The following SDC3 variants were observed in gnomAD, a reference collection of about 807,000 sequenced individuals.
SDC3 encodes syndecan 3, also known as syndecan-3.
A neutral mutation model predicts 24.4 loss-of-function variants in SDC3; 13 were observed. The ratio of observed to expected loss-of-function variants is 0.53; its 90% CI spans 0.35 to 0.85. The LOEUF (loss-of-function observed/expected upper bound fraction) is 0.85, where lower values mean the gene tolerates loss of function less well. SDC3 is among the 40% of genes least tolerant of loss of function. The pLI, the probability that SDC3 is intolerant of heterozygous loss-of-function variation, is 0.01. For synonymous variants in SDC3, 295 were observed against 260.9 expected (o/e 1.13, Z -1.26); for missense variants, 571 against 584.5 (o/e 0.98, Z 0.24).
rs372410735 is a variant in SDC3 at position 30,904,175 on chromosome 1, G to A, written c.138+4274C>T. Among the ~76,000 whole-genome samples, 3 of 152,182 alleles carry A rather than the reference G, an allele frequency of 2.0e-5. No homozygotes were observed. In the East Asian group the frequency reaches 5.8e-4, roughly 29 times the overall value. On this transcript the variant is annotated intron_variant, in intron 1 of 4. Transcript: ENST00000339394. ...AGGAGGCAGAGGTTGCAGTGAGCCA[G>A]GATCATACCACCACACTCCAGCCTT...
chr1:30,890,056 A>T (rs1004742262), intron 1 of SDC3, among the ~76,000 whole-genome samples: 3 of 152,224 alleles, frequency 2.0e-5, no homozygotes. Flanking sequence ...CACACCTGTA[A>T]TCCCAACACT....
Position 30,872,840 on chromosome 1 carries a change from A to G in SDC3, c.*371T>C. ...CTCTCTGCCCCAAAAAGGAGATCTCAGTGAGCACTGTGGGTGCCAAGTCAG... is the reference window on the plus strand; with the variant it reads ...CTCTCTGCCCCAAAAAGGAGATCTCGGTGAGCACTGTGGGTGCCAAGTCAG... On this transcript the variant is annotated 3_prime_UTR_variant, in exon 5 of 5. Transcript: ENST00000339394. 6.2e-5 allele frequency: 15 copies of G among 242,906 alleles called. No individual in the cohort carries two copies. Among genetic ancestry groups the G allele is most frequent in the South Asian group, 1.7e-4 (2 of 11,608 alleles). 15.0% of individuals were successfully genotyped at this position (242,906 alleles called of 1,614,324 possible).
chr1:30,884,281 C>CA lies in SDC3; in HGVS notation c.139-5542_139-5541insT, dbSNP rs1313567766. Among the ~76,000 whole-genome samples the CA allele has an allele frequency of 2.6e-5, 4 of 151,876 alleles. No individual in the cohort carries two copies. The East Asian group carries it at 7.8e-4, about 29-fold the overall frequency. ...CCAAGCTGAAACACCACAGACCCCC[C>CA]CCAAGAAAAATCCACCAAGCCCAGA... On this transcript the variant is annotated intron_variant, in intron 1 of 4. Coordinates refer to ENST00000339394, the MANE Select transcript of SDC3 (RefSeq NM_014654.4).
intron 1 of SDC3, among the ~76,000 whole-genome samples, chr1:30,906,057 A>C (rs575146190): frequency 4.3e-4 from 65 of 152,090 alleles, no homozygotes; most frequent in African/African-American, 1.5e-3. Flanking sequence ...GCCACCGCTC[A>C]TCTACCAAGG....
intron 1 of SDC3, among the ~76,000 whole-genome samples, 196 bp downstream of exon 1, chr1:30,908,253 C>T (rs1346013706): frequency 1.4e-5 from 2 of 143,864 alleles, no homozygotes; most frequent in African/African-American, 5.2e-5. Context: ...GGGGGAGATT[C>T]CGGAGGGGGG....
chr1:30,883,938 A>C (rs926267469), intron 1 of SDC3, among the ~76,000 whole-genome samples: 1 of 152,076 alleles, frequency 6.6e-6, no homozygotes, highest in Non-Finnish European at 1.5e-5. Flanking sequence ...TCCTGTGAGA[A>C]CTCAGTGCCC....
At chr1:30,909,710 C>T (rs1333591835), upstream of SDC3, among the ~76,000 whole-genome samples, 1 of 152,142 alleles carries the variant, frequency 6.6e-6, no homozygotes, top group Non-Finnish European at 1.5e-5. Flanking sequence ...GCACAGAGCT[C>T]GGCATGACAT....
chr1:30,882,940 T>G (rs562059469), intron 1 of SDC3, among the ~76,000 whole-genome samples: 5 of 152,212 alleles, frequency 3.3e-5, no homozygotes, highest in African/African-American at 1.2e-4. Context: ...AGCATTGCTG[T>G]GGGAAGGGGC....
chr1:30,905,970 C>T (rs1638512069), intron 1 of SDC3, among the ~76,000 whole-genome samples: 1 of 151,746 alleles, frequency 6.6e-6, no homozygotes, highest in African/African-American at 2.4e-5. Flanking sequence ...GACACACACA[C>T]ACACACACAC....
rs758070733 is a variant in SDC3, at chr1:30,878,611, G to A, written c.256+12C>T. 1.2e-6 allele frequency: 2 copies of A among 1,601,684 alleles called. No homozygotes were observed. The highest frequency in any genetic ancestry group is 1.7e-6 in the Non-Finnish European group (2 of 1,168,580). On this transcript the variant is annotated intron_variant, in intron 2 of 4. Coordinates refer to ENST00000339394, the MANE Select transcript of SDC3 (RefSeq NM_014654.4). Reference sequence around the variant, plus strand: ...ACTGCCCCCAGGCAGAGGTAGGGAGGGGGGTACTTACAGCCCGAGCCCGAC... The same window carrying A: ...ACTGCCCCCAGGCAGAGGTAGGGAGAGGGGTACTTACAGCCCGAGCCCGAC...
chr1:30,886,408 A>T (rs1363804397), intron 1 of SDC3, among the ~76,000 whole-genome samples: 1 of 152,040 alleles, frequency 6.6e-6, no homozygotes, highest in African/African-American at 2.4e-5. Flanking sequence ...CAAATTAGGA[A>T]GTCCTTTCTT....
chr1:30,896,324 C>T (rs933183673), intron 1 of SDC3, among the ~76,000 whole-genome samples: 9 of 152,164 alleles, frequency 5.9e-5, no homozygotes, highest in African/African-American at 1.9e-4. Context: ...GTGAGAGCTC[C>T]AAGGTGGTAA....
chr1:30,870,376 C>A lies in SDC3; in HGVS notation c.*2835G>T. The A allele has an allele frequency of 6.4e-6, 1 of 155,686 alleles. No homozygotes were observed. The highest frequency in any genetic ancestry group is 1.4e-5 in the Non-Finnish European group (1 of 70,436). 9.6% of individuals were successfully genotyped at this position (155,686 alleles called of 1,614,324 possible). A position where few individuals can be genotyped will look rare whatever the true frequency, so the allele number is the denominator to read the frequency against. On this transcript the variant is annotated 3_prime_UTR_variant, in exon 5 of 5. Transcript: ENST00000339394. ...CAAGGCCCCAGAGGCTCTCAAGCCA[C>A]AGAAGCTCCCTCTCATTTGGAACTC...
rs1639503082 is a variant in SDC3, at chr1:30,869,914, G to A, written c.*3297C>T. 1.3e-5 allele frequency: 5 copies of A among 398,518 alleles called. No individual in the cohort carries two copies. Among genetic ancestry groups the A allele is most frequent in the Admixed American group, 4.4e-5 (1 of 22,714 alleles). 24.7% of individuals were successfully genotyped at this position (398,518 alleles called of 1,614,324 possible). On this transcript the variant is annotated 3_prime_UTR_variant, in exon 5 of 5. Transcript: ENST00000339394. ...TGAGGCCAGGGTCACTGTGGTGCCAGGCAGGCACCTGGGGGATGCTGGGGC... is the reference window on the plus strand; with the variant it reads ...TGAGGCCAGGGTCACTGTGGTGCCAAGCAGGCACCTGGGGGATGCTGGGGC...
chr1:30,875,125 T>C (rs1639615299), intron 3 of SDC3, among the ~76,000 whole-genome samples: 1 of 152,182 alleles, frequency 6.6e-6, no homozygotes, highest in Non-Finnish European at 1.5e-5. Context: ...GCTCAGTGAC[T>C]GACAATCTCT....
At chr1:30,889,047 C>T (rs1639870288) in intron 1 of SDC3, among the ~76,000 whole-genome samples, 1 of 152,226 alleles carries the variant, frequency 6.6e-6, no homozygotes, top group Admixed American at 6.5e-5. Flanking sequence ...TCACCCTCCC[C>T]TCCAGAGGCC....
intron 1 of SDC3, among the ~76,000 whole-genome samples, chr1:30,885,610 G>C (rs937296228): frequency 6.6e-6 from 1 of 152,210 alleles, no homozygotes; most frequent in Admixed American, 6.5e-5. Flanking sequence ...GAAAAGGGGG[G>C]TGGAAAGGAA....
chr1:30,905,795 T>A (rs1009343629), intron 1 of SDC3, among the ~76,000 whole-genome samples: 3 of 152,050 alleles, frequency 2.0e-5, no homozygotes, highest in Non-Finnish European at 4.4e-5. Flanking sequence ...CAGATGTCCC[T>A]CAGAGTCCTG....
intron 1 of SDC3, among the ~76,000 whole-genome samples, chr1:30,894,308 TGTGTGCATGA>T: frequency 8.0e-6 from 1 of 124,842 alleles, no homozygotes; most frequent in South Asian, 2.7e-4. Flanking sequence ...TGTGGGGGTG[TGTGTGCATGA>T]GTGTGTGGAT....
Sources: allele counts gnomAD v4.1 joint callset (sites outside exome capture counted in the v4.1 genomes callset), GRCh38; gene constraint gnomAD v4.1.1; transcripts MANE v1.5; gene names NCBI Gene and HGNC (gene_info 2026-07-23, HGNC 2026-07-21).